TENM3: variants seen among roughly 807,000 people sequenced by gnomAD.
TENM3 encodes the protein teneurin-3.
A neutral mutation model predicts 255.1 loss-of-function variants in TENM3; 63 were observed. That is an observed-to-expected ratio of 0.25 (90% confidence interval 0.20 to 0.30). The LOEUF (loss-of-function observed/expected upper bound fraction) is 0.30. TENM3 is among the 10% of genes least tolerant of loss of function. The probability of loss-of-function intolerance (pLI) is 1.00; values close to 1 mark genes in which losing one functional copy is unlikely to be tolerated. For missense variants in TENM3, 2,929 were observed against 3,461.1 expected (o/e 0.85, Z 3.86); for synonymous variants, 1,306 against 1,322.3 (o/e 0.99, Z 0.27).
the TENM3 span, among the ~76,000 whole-genome samples, chr4:182,051,162 G>A: frequency 2.6e-5 from 4 of 151,800 alleles, no homozygotes; most frequent in African/African-American, 7.3e-5. Flanking sequence ...TGACCAACAC[G>A]GTGAAAACCC....
chr4:182,726,557 G>T (rs1014432932), intron 13 of TENM3, among the ~76,000 whole-genome samples: 2 of 152,098 alleles, frequency 1.3e-5, no homozygotes, highest in East Asian at 3.8e-4. Flanking sequence ...TGTGAAATTC[G>T]CTCTTGTTAG....
the TENM3 span, among the ~76,000 whole-genome samples, chr4:181,838,265 C>T: frequency 6.6e-6 from 1 of 152,208 alleles, no homozygotes; most frequent in African/African-American, 2.4e-5. Flanking sequence ...GTTACTGGAT[C>T]TCCTGCACCA....
At chr4:182,623,789 T>C (rs1750535302) in intron 4 of TENM3, among the ~76,000 whole-genome samples, 1 of 152,128 alleles carries the variant, frequency 6.6e-6, no homozygotes, top group Non-Finnish European at 1.5e-5. Context: ...TCTCTGTCTT[T>C]TCCTAATCCT....
the TENM3 span, among the ~76,000 whole-genome samples, chr4:181,668,250 CCAA>C: frequency 1.3e-5 from 2 of 152,196 alleles, no homozygotes; most frequent in Non-Finnish European, 2.9e-5. Flanking sequence ...TCATGTTCCT[CCAA>C]CGTTGTTTCT....
the TENM3 span, among the ~76,000 whole-genome samples, chr4:181,653,614 T>C: frequency 6.6e-6 from 1 of 151,918 alleles, no homozygotes; most frequent in South Asian, 2.1e-4. Context: ...TTGGCCAGGA[T>C]GCTCTTGATC....
chr4:182,075,981 A>C, the TENM3 span, among the ~76,000 whole-genome samples: 1 of 152,124 alleles, frequency 6.6e-6, no homozygotes, highest in Non-Finnish European at 1.5e-5. Flanking sequence ...TGGTGTGATC[A>C]TAGCTCACTG....
chr4:182,249,679 T>TG (rs1395428328), intron 1 of TENM3, among the ~76,000 whole-genome samples: 9 of 152,166 alleles, frequency 5.9e-5, no homozygotes, highest in African/African-American at 2.2e-4. Flanking sequence ...CCTCTGAGGA[T>TG]GGGTCTGATA....
chr4:182,619,598 A>T (rs1749900969), intron 4 of TENM3, among the ~76,000 whole-genome samples: 2 of 152,202 alleles, frequency 1.3e-5, no homozygotes, highest in Non-Finnish European at 2.9e-5. Context: ...TAGTTTCTAC[A>T]TAGCATTACA....
At chr4:181,896,608 G>GCA in the TENM3 span, among the ~76,000 whole-genome samples, 7 of 152,152 alleles carry the variant, frequency 4.6e-5, no homozygotes, top group African/African-American at 2.4e-5. Context: ...CACTCTAAAT[G>GCA]CACACACATG....
chr4:181,605,528 A>AAG, the TENM3 span, among the ~76,000 whole-genome samples: 1 of 26,506 alleles, frequency 3.8e-5, no homozygotes, highest in African/African-American at 9.3e-5. Flanking sequence ...GAAAGAAAGA[A>AAG]AGAAAGAAAG....
rs544476752 is a variant in TENM3, at chr4:182,499,521, A to G, written c.512-101403A>G. Among the ~76,000 whole-genome samples, 4 of 152,286 alleles carry G rather than the reference A, an allele frequency of 2.6e-5. 1 individual carries two copies. The South Asian group carries it at 8.3e-4, about 32-fold the overall frequency. The stretch of plus-strand genomic sequence containing the variant: ...AGAGCCCATGGGTTTGGCTGGCAGT[A>G]TAAAGACAAAGAAGAAATACTGAGA... On this transcript the variant is annotated intron_variant, in intron 3 of 27. Transcript: ENST00000511685.
the TENM3 span, among the ~76,000 whole-genome samples, chr4:181,583,689 C>T: frequency 1.9e-4 from 29 of 152,116 alleles, no homozygotes; most frequent in African/African-American, 6.8e-4. Context: ...ATAACTTGCC[C>T]ATGATTTTGA....
intron 1 of TENM3, among the ~76,000 whole-genome samples, chr4:182,216,527 G>C (rs1755480409): frequency 6.6e-6 from 1 of 152,144 alleles, no homozygotes; most frequent in South Asian, 2.1e-4. Context: ...TTACCTGTCA[G>C]TTTCGTTACT....
chr4:182,136,167 G>A, the TENM3 span, among the ~76,000 whole-genome samples: 1 of 152,184 alleles, frequency 6.6e-6, no homozygotes, highest in Non-Finnish European at 1.5e-5. Flanking sequence ...AAAAACACCT[G>A]TTTATTAATT....
chr4:182,172,070 G>T (rs550640493), intron 1 of TENM3, among the ~76,000 whole-genome samples: 2 of 150,684 alleles, frequency 1.3e-5, no homozygotes, highest in South Asian at 4.2e-4. Flanking sequence ...TATTAACCGA[G>T]ACATCTAAAT....
chr4:182,522,528 G>A (rs930743411), intron 3 of TENM3, among the ~76,000 whole-genome samples: 1 of 151,992 alleles, frequency 6.6e-6, no homozygotes, highest in Non-Finnish European at 1.5e-5. Flanking sequence ...CATTCTTATG[G>A]CTGAGTAATA....
chr4:181,563,855 A>G, the TENM3 span, among the ~76,000 whole-genome samples: 18,093 of 152,070 alleles, frequency 0.12, 1,182 homozygotes, highest in South Asian at 0.2. Context: ...CAATCTAACC[A>G]TACAGTAGAC....
At chr4:182,040,400 T>C in the TENM3 span, among the ~76,000 whole-genome samples, 2 of 152,192 alleles carry the variant, frequency 1.3e-5, no homozygotes, top group Admixed American at 1.3e-4. Context: ...TTCCCATATC[T>C]TCTGTGCCTT....
chr4:182,628,583 A>C, intron 4 of TENM3, 68 bp from the exon 5 acceptor site: 1 of 1,017,192 alleles, frequency 9.8e-7, no homozygotes, highest in Non-Finnish European at 1.5e-6. Context: ...AGCTAAATGC[A>C]TCGCTGTCTC....
Sources: allele counts gnomAD v4.1 joint callset (sites outside exome capture counted in the v4.1 genomes callset), GRCh38; gene constraint gnomAD v4.1.1; transcripts MANE v1.5; gene names NCBI Gene and HGNC (gene_info 2026-07-23, HGNC 2026-07-21).